Variants in NRG3 observed in about 807,000 individuals in gnomAD.
NRG3 encodes pro-neuregulin-3, membrane-bound isoform.
In NRG3, 31 loss-of-function variants were observed where a neutral mutation model predicts 66.9. The ratio of observed to expected loss-of-function variants is 0.46; its 90% CI spans 0.35 to 0.63. The LOEUF (loss-of-function observed/expected upper bound fraction) is 0.63, where lower values mean the gene tolerates loss of function less well. Among genes scored for constraint, NRG3 ranks in the 20% least tolerant of loss-of-function variants. NRG3 has a pLI of 0.00. For synonymous variants in NRG3, 393 were observed against 359.4 expected, an observed-to-expected ratio of 1.09 and a Z score of -1.06; for missense variants, 910 against 878.9, an observed-to-expected ratio of 1.04 and a Z score of -0.45.
At chr10:82,140,547 A>G (rs565622751) in intron 1 of NRG3, among the ~76,000 whole-genome samples, 1 of 152,278 alleles carries the variant, frequency 6.6e-6, no homozygotes, top group South Asian at 2.1e-4. Flanking sequence ...TGAATAATTT[A>G]TGACTTCTTC....
intron 2 of NRG3, among the ~76,000 whole-genome samples, chr10:82,656,034 T>C (rs761542525): frequency 1.3e-5 from 2 of 152,206 alleles, no homozygotes; most frequent in African/African-American, 4.8e-5. Context: ...AAAAGTAGTT[T>C]CTTGAAGGAT....
intron 3 of NRG3, among the ~76,000 whole-genome samples, chr10:82,786,405 A>T (rs916328278): frequency 1.3e-5 from 2 of 152,160 alleles, no homozygotes; most frequent in Non-Finnish European, 2.9e-5. Flanking sequence ...TGGGTTTAGT[A>T]CTGACTTGGG....
chr10:82,534,608 A>G (rs950994771), intron 2 of NRG3, among the ~76,000 whole-genome samples: 1 of 152,118 alleles, frequency 6.6e-6, no homozygotes, highest in Non-Finnish European at 1.5e-5. Flanking sequence ...AAAATAATCA[A>G]ATAGCCAAAT....
chr10:82,961,821 C>T (rs902395688), intron 6 of NRG3, among the ~76,000 whole-genome samples: 2 of 152,246 alleles, frequency 1.3e-5, no homozygotes, highest in South Asian at 2.1e-4. Context: ...AGCTTCCCAC[C>T]GCAGGCATTT....
intron 1 of NRG3, among the ~76,000 whole-genome samples, chr10:82,099,704 C>A (rs1399587351): frequency 6.6e-6 from 1 of 152,064 alleles, no homozygotes; most frequent in African/African-American, 2.4e-5. Flanking sequence ...GGCACTGTGG[C>A]TCACATCTCT....
intron 1 of NRG3, among the ~76,000 whole-genome samples, chr10:81,911,686 T>C (rs1292997148): frequency 1.3e-5 from 2 of 149,166 alleles, no homozygotes; most frequent in Non-Finnish European, 3.0e-5. Flanking sequence ...ACTGTTATTA[T>C]TGTTGAAACC....
chr10:82,477,432 T>C (rs1841884359), intron 2 of NRG3, among the ~76,000 whole-genome samples: 1 of 152,184 alleles, frequency 6.6e-6, no homozygotes, highest in African/African-American at 2.4e-5. Flanking sequence ...TTAACTGGAT[T>C]GTATTATTAT....
chr10:82,629,770 T>G (rs1351418534), intron 2 of NRG3, among the ~76,000 whole-genome samples: 5 of 152,154 alleles, frequency 3.3e-5, no homozygotes, highest in African/African-American at 1.2e-4. Flanking sequence ...TTCAGGACTT[T>G]AAAATGGGGA....
chr10:81,968,680 T>G (rs2133348303), intron 1 of NRG3, among the ~76,000 whole-genome samples: 1 of 152,294 alleles, frequency 6.6e-6, no homozygotes, highest in African/African-American at 2.4e-5. Flanking sequence ...ACACTAAGAT[T>G]TATGTGGGCT....
At chr10:82,013,248 A>T (rs921040171) in intron 1 of NRG3, among the ~76,000 whole-genome samples, 4 of 152,062 alleles carry the variant, frequency 2.6e-5, no homozygotes, top group African/African-American at 9.7e-5. Context: ...TCATTTATAA[A>T]ACCATCAGAT....
At chr10:82,104,310 C>T (rs895290022) in intron 1 of NRG3, among the ~76,000 whole-genome samples, 4 of 152,118 alleles carry the variant, frequency 2.6e-5, no homozygotes, top group African/African-American at 7.2e-5. Context: ...AGATGCTGGC[C>T]GCTTAATAGG....
At chr10:82,419,029 T>G (rs1208161177) in intron 2 of NRG3, among the ~76,000 whole-genome samples, 1 of 152,178 alleles carries the variant, frequency 6.6e-6, no homozygotes, top group East Asian at 1.9e-4. Context: ...GGGATGGATA[T>G]GATTAGTGAA....
chr10:82,805,863 G>A (rs1043577650), intron 3 of NRG3, among the ~76,000 whole-genome samples: 4 of 152,158 alleles, frequency 2.6e-5, no homozygotes, highest in Non-Finnish European at 5.9e-5. Context: ...GTAAGCAAAT[G>A]TGCACAGGCC....
intron 1 of NRG3, among the ~76,000 whole-genome samples, chr10:82,133,233 C>T (rs2069068897): frequency 6.6e-6 from 1 of 151,754 alleles, no homozygotes; most frequent in African/African-American, 2.4e-5. Flanking sequence ...TTTTGCTGTA[C>T]CTCATATTTT....
intron 1 of NRG3, among the ~76,000 whole-genome samples, chr10:82,231,040 T>C (rs1009302508): frequency 6.6e-6 from 1 of 152,154 alleles, no homozygotes. Flanking sequence ...TAAAGAAATG[T>C]AGGATTATAA....
chr10:82,759,435 A>T (rs2059216238), intron 3 of NRG3, among the ~76,000 whole-genome samples: 1 of 152,200 alleles, frequency 6.6e-6, no homozygotes, highest in Non-Finnish European at 1.5e-5. Flanking sequence ...TAGATTGCCC[A>T]GACTCAAAAA....
chr10:82,079,467 A>C (rs2065273081), intron 1 of NRG3, among the ~76,000 whole-genome samples: 1 of 152,210 alleles, frequency 6.6e-6, no homozygotes, highest in Non-Finnish European at 1.5e-5. Context: ...CACCAAAGGG[A>C]TACATTTGTT....
At chr10:82,009,217 T>G (rs896617275) in intron 1 of NRG3, among the ~76,000 whole-genome samples, 2 of 152,212 alleles carry the variant, frequency 1.3e-5, no homozygotes, top group African/African-American at 4.8e-5. Context: ...TAGAAATTTC[T>G]GAGGTGTACA....
intron 3 of NRG3, among the ~76,000 whole-genome samples, chr10:82,846,437 A>G (rs190107264): frequency 6.6e-6 from 1 of 152,166 alleles, no homozygotes; most frequent in South Asian, 2.1e-4. Context: ...AATACATTTT[A>G]AAAAAATGCA....
Sources: allele counts gnomAD v4.1 joint callset (sites outside exome capture counted in the v4.1 genomes callset), GRCh38; gene constraint gnomAD v4.1.1; transcripts MANE v1.5; gene names NCBI Gene and HGNC (gene_info 2026-07-23, HGNC 2026-07-21).